The following MEGF8 variants were observed in gnomAD, a reference collection of about 807,000 sequenced individuals.
MEGF8 encodes multiple epidermal growth factor-like domains protein 8.
Under a neutral mutation model 302.9 loss-of-function variants are expected in MEGF8, and 156 were observed. The observed-to-expected ratio is 0.52, with a 90% confidence interval of 0.45 to 0.59. MEGF8 has a LOEUF of 0.59. Ranked by LOEUF, MEGF8 falls within the 20% of genes least tolerant of loss-of-function variation. The pLI, the probability that MEGF8 is intolerant of heterozygous loss-of-function variation, is 0.00. For synonymous variants in MEGF8, 1,621 were observed against 1,660.5 expected, an observed-to-expected ratio of 0.98 and a Z score of 0.58; for missense variants, 3,345 against 3,964.5, an observed-to-expected ratio of 0.84 and a Z score of 4.20.
chr19:42,374,530 C>T (rs1269721783), intron 41 of MEGF8, among the ~76,000 whole-genome samples: 1 of 151,352 alleles, frequency 6.6e-6, no homozygotes, highest in Non-Finnish European at 1.5e-5. Context: ...AGGCTTGGTG[C>T]CTGGAGTGAC....
intron 41 of MEGF8, among the ~76,000 whole-genome samples, chr19:42,372,726 G>T (rs1190824635): frequency 6.6e-6 from 1 of 151,904 alleles, no homozygotes; most frequent in African/African-American, 2.4e-5. Context: ...AGGCTGGAGT[G>T]CAGTGGTGGG....
rs1340048468 is a variant in MEGF8, at chr19:42,369,827, C to A, written c.6834+104C>A. ...GCATCTCATCCTGAGCCCTGATAAGCCAGGGACAGATAAGCCAGAGCCCTG... is the reference window on the plus strand; with the variant it reads ...GCATCTCATCCTGAGCCCTGATAAGACAGGGACAGATAAGCCAGAGCCCTG... On this transcript the variant is annotated intron_variant, in intron 38 of 41. Coordinates refer to ENST00000251268, the MANE Select transcript of MEGF8 (RefSeq NM_001271938.2). The surrounding 1 kb of genome is among the most constrained non-coding windows in gnomAD (Gnocchi z 5.7). The A allele has an allele frequency of 1.0e-5, 13 of 1,279,020 alleles. No individual in the cohort carries two copies. The highest frequency in any genetic ancestry group is 1.2e-5 in the Non-Finnish European group (11 of 936,420). 79.2% of individuals were successfully genotyped at this position (1,279,020 alleles called of 1,614,324 possible).
chr19:42,357,785 C>G lies in MEGF8; in HGVS notation c.5011+201C>G, dbSNP rs1251397972. On this transcript the variant is annotated intron_variant, in intron 28 of 41. Transcript: ENST00000251268. The surrounding 1 kb of genome is among the most constrained non-coding windows in gnomAD (Gnocchi z 5.2). ...CAGACTCCACAACTAACTGCCCACT[C>G]CCGGCCACATGTGGCCACCGTCCCC... 6.6e-6 allele frequency among the ~76,000 whole-genome samples: 1 copy of G among 152,158 alleles called. No individual in the cohort carries two copies. The highest frequency in any genetic ancestry group is 2.1e-4 in the South Asian group (1 of 4,830).
intron 8 of MEGF8, among the ~76,000 whole-genome samples, chr19:42,337,510 T>C (rs529434481): frequency 6.6e-4 from 98 of 148,746 alleles, no homozygotes; most frequent in African/African-American, 2.3e-3. Context: ...TCTTTTCTTT[T>C]TTTTTTTTTT....
chr19:42,355,199 C>T (rs2039433432), intron 23 of MEGF8, among the ~76,000 whole-genome samples: 4 of 152,120 alleles, frequency 2.6e-5, no homozygotes, highest in South Asian at 4.1e-4. Context: ...TCAAGTGATT[C>T]GCCCACCTTG....
Position 42,369,731 on chromosome 19 carries a change from GC to G in MEGF8, c.6834+11del, listed in dbSNP as rs2039659044. 1 of 1,593,706 alleles carries G rather than the reference GC, an allele frequency of 6.3e-7. No homozygotes were observed. On this transcript the variant is annotated intron_variant, in intron 38 of 41. Transcript: ENST00000251268. The surrounding 1 kb of genome is among the most constrained non-coding windows in gnomAD (Gnocchi z 5.7). ...TGCCGCAACCACACCAAGGTGGGCCGCCCGGAGCCTCAGACCCCCGACCCTG... is the reference window on the plus strand; with the variant it reads ...TGCCGCAACCACACCAAGGTGGGCCGCCGGAGCCTCAGACCCCCGACCCTG...
chr19:42,350,219 C>T lies in MEGF8; in HGVS notation c.2571C>T (p.Cys857=). ...CCTCCTATTCTTCCTGCCTGGGCTG[C>T]TTGGCAGACCAGGGCTGTGGCTGGT... ...SCTSYSSCLG[C]LADQGCGWCL... The change falls in exon 15 of 42, where the codon TGC becomes TGT. Residue 857 remains cysteine, a synonymous_variant. Transcript: ENST00000251268. The T allele has an allele frequency of 6.2e-7, 1 of 1,613,494 alleles. No homozygotes were observed. Among genetic ancestry groups the T allele is most frequent in the Non-Finnish European group, 8.5e-7 (1 of 1,179,882 alleles).
intron 2 of MEGF8, 32 bp downstream of exon 2, chr19:42,333,800 C>G (rs146692974): frequency 1.2e-6 from 2 of 1,607,092 alleles, no homozygotes; most frequent in African/African-American, 1.3e-5. Context: ...GCAGATACAC[C>G]GAGGGAAATG....
chr19:42,329,082 A>G (rs1363475506), intron 1 of MEGF8, among the ~76,000 whole-genome samples: 4 of 152,200 alleles, frequency 2.6e-5, no homozygotes, highest in Non-Finnish European at 4.4e-5. Context: ...AAAGGGAGCA[A>G]ACAGCCTCTA....
In MEGF8 at chr19:42,326,117, C is replaced by T. The variant is rs184902062; in HGVS notation, c.-127C>T. 2 of 1,352,320 alleles carry T rather than the reference C, an allele frequency of 1.5e-6. No homozygotes were observed. Among genetic ancestry groups the T allele is most frequent in the Admixed American group, 4.1e-5 (1 of 24,340 alleles). 83.8% of individuals were successfully genotyped at this position (1,352,320 alleles called of 1,614,324 possible). A position where few individuals can be genotyped will look rare whatever the true frequency, so the allele number is the denominator to read the frequency against. ...GCCGGGACTGCCGGGTCTCCGGGAC[C>T]TCTTCGATCTACAAGGTCATGTTAT... is the stretch of plus-strand genomic sequence containing the variant. On this transcript the variant is annotated 5_prime_UTR_variant, in exon 1 of 42. Transcript: ENST00000251268.
At position 42,351,857 on chromosome 19, in the gene MEGF8, C is replaced by A; in HGVS notation, c.3101+96C>A. On this transcript the variant is annotated intron_variant, in intron 18 of 41. Coordinates refer to ENST00000251268, the MANE Select transcript of MEGF8 (RefSeq NM_001271938.2). This position sits in a 1 kb window ranked among gnomAD's most constrained non-coding sequence, Gnocchi z 5.6. ...CCTCTTTGCTTCTCTGCCCTCTTGCCCATCCCATGGCCACCTTCCCTTTTC... is the reference window on the plus strand; with the variant it reads ...CCTCTTTGCTTCTCTGCCCTCTTGCACATCCCATGGCCACCTTCCCTTTTC... 1 of 1,045,944 alleles carries A rather than the reference C, an allele frequency of 9.6e-7. No homozygotes were observed. Among genetic ancestry groups the A allele is most frequent in the Non-Finnish European group, 1.4e-6 (1 of 701,264 alleles). 64.8% of individuals were successfully genotyped at this position (1,045,944 alleles called of 1,614,324 possible).
At chr19:42,364,394 G>GATT (rs1354674774) in intron 35 of MEGF8, among the ~76,000 whole-genome samples, 1 of 152,056 alleles carries the variant, frequency 6.6e-6, no homozygotes, top group African/African-American at 2.4e-5. Context: ...TTCATACCTC[G>GATT]ATTATGCAAG....
intron 1 of MEGF8, among the ~76,000 whole-genome samples, chr19:42,329,766 C>T (rs762276645): frequency 1.3e-5 from 2 of 151,050 alleles, no homozygotes; most frequent in Non-Finnish European, 2.9e-5. Flanking sequence ...CAGCTACCGG[C>T]GAGGCTGAGG....
Position 42,336,417 on chromosome 19 carries a change from T to C in MEGF8, c.1244+71T>C. ...CTCAACACCATAGGCCTTTAGTCTT[T>C]AGAGGTCTTTGCCCACTGTCGGACT... On this transcript the variant is annotated intron_variant, in intron 6 of 41. Coordinates refer to ENST00000251268, the MANE Select transcript of MEGF8 (RefSeq NM_001271938.2). This position sits in a 1 kb window ranked among gnomAD's most constrained non-coding sequence, Gnocchi z 4.8. 1 of 1,440,868 alleles carries C rather than the reference T, an allele frequency of 6.9e-7. No homozygotes were observed. The highest frequency in any genetic ancestry group is 9.2e-7 in the Non-Finnish European group (1 of 1,088,648). 89.3% of individuals were successfully genotyped at this position (1,440,868 alleles called of 1,614,324 possible).
At position 42,376,634 on chromosome 19, in the gene MEGF8, G is replaced by T; in HGVS notation, c.8397G>T (p.Leu2799=). 1 of 1,543,380 alleles carries T rather than the reference G, an allele frequency of 6.5e-7. No individual in the cohort carries two copies. Among genetic ancestry groups the T allele is most frequent in the Non-Finnish European group, 8.7e-7 (1 of 1,146,908 alleles). Residue 2799 remains leucine (L), a synonymous_variant, in exon 42 of 42, where the codon CTG becomes CTT. Coordinates refer to ENST00000251268, the MANE Select transcript of MEGF8 (RefSeq NM_001271938.2). This position sits in a 1 kb window ranked among gnomAD's most constrained non-coding sequence, Gnocchi z 8.2. ...CCCATGCACCCAACGGCGCCTGCCT[G>T]GGGTCAGCCCTCGTCACACTGCGGC... The part of the protein sequence containing the change: ...GGPHAPNGAC[L]GSALVTLRHR...
intron 35 of MEGF8, among the ~76,000 whole-genome samples, chr19:42,365,781 A>G (rs1039151871): frequency 6.7e-6 from 1 of 149,574 alleles, no homozygotes; most frequent in Admixed American, 6.7e-5. Context: ...CTAAAAAAAA[A>G]AAAAAAAAAA....
At chr19:42,348,881 G>A (rs1283709149) in intron 13 of MEGF8, among the ~76,000 whole-genome samples, 1 of 152,246 alleles carries the variant, frequency 6.6e-6, no homozygotes, top group Non-Finnish European at 1.5e-5. Context: ...GATTACAGGC[G>A]TAAGCCACTG....
In MEGF8 at chr19:42,376,127, A is replaced by T; in HGVS notation, c.7890A>T (p.Ser2630=). Residue 2630 remains serine (S), a synonymous_variant, in exon 42 of 42, where the codon TCA becomes TCT. Coordinates refer to ENST00000251268, the MANE Select transcript of MEGF8 (RefSeq NM_001271938.2). This position sits in a 1 kb window ranked among gnomAD's most constrained non-coding sequence, Gnocchi z 8.2. ...CAAGTGGGCCCGGCGCCAACGGCTC[A>T]GCCGACTCGCAGGGCCTGCTCTTCT... The part of the protein sequence containing the change: ...GDPSGPGANG[S]ADSQGLLFFR... 1 of 1,608,122 alleles carries T rather than the reference A, an allele frequency of 6.2e-7. No homozygotes were observed. Among genetic ancestry groups the T allele is most frequent in the South Asian group, 1.1e-5 (1 of 91,088 alleles).
In MEGF8 at chr19:42,363,202, G is replaced by A. The variant is rs781452874; in HGVS notation, c.6213G>A (p.Leu2071=). The A allele has an allele frequency of 6.2e-7, 1 of 1,611,408 alleles. No homozygotes were observed. The highest frequency in any genetic ancestry group is 2.2e-5 in the East Asian group (1 of 44,814). Residue 2071 remains leucine (L), a synonymous_variant, in exon 35 of 42, where the codon CTG becomes CTA. Transcript: ENST00000251268. ...TCCTACCCAACTGTACCTCCTGCCTGGACTCTAAGGGAGCAGATGGGGGCT... is the reference window on the plus strand; with the variant it reads ...TCCTACCCAACTGTACCTCCTGCCTAGACTCTAAGGGAGCAGATGGGGGCT... The part of the protein sequence containing the change: ...CHLLPNCTSC[L]DSKGADGGWQ...
Sources: allele counts gnomAD v4.1 joint callset (sites outside exome capture counted in the v4.1 genomes callset), GRCh38; gene constraint gnomAD v4.1.1; non-coding constraint Gnocchi (gnomAD v3.1); transcripts MANE v1.5; gene names NCBI Gene and HGNC (gene_info 2026-07-23, HGNC 2026-07-21).